TAX1BP1: variants seen among roughly 807,000 people sequenced by gnomAD.
TAX1BP1 encodes the protein Tax1 binding protein 1.
Under a neutral mutation model 97.7 loss-of-function variants are expected in TAX1BP1, and 62 were observed. The observed-to-expected ratio is 0.63, with a 90% CI of 0.52 to 0.78. The LOEUF is 0.78. Ranked by LOEUF, TAX1BP1 falls within the 30% of genes least tolerant of loss-of-function variation. TAX1BP1 has a pLI of 0.00. For synonymous variants in TAX1BP1, 340 were observed against 304.2 expected (o/e 1.12, Z -1.23); for missense variants, 867 against 916.1 (o/e 0.95, Z 0.69).
At chr7:27,765,739 T>G in intron 3 of TAX1BP1, 95 bp from the exon 4 acceptor site, 1 of 1,047,502 alleles carries the variant, frequency 9.5e-7, no homozygotes. Context: ...TCAAGAACAG[T>G]GTGGGGAATG....
chr7:27,742,081 C>T (rs778062162), intron 1 of TAX1BP1, among the ~76,000 whole-genome samples: 4 of 152,210 alleles, frequency 2.6e-5, no homozygotes, highest in Non-Finnish European at 2.9e-5. Flanking sequence ...AACGTACAAT[C>T]GGGTTTTATA....
At chr7:27,761,103 A>G (rs1157134894) in intron 3 of TAX1BP1, among the ~76,000 whole-genome samples, 1 of 152,160 alleles carries the variant, frequency 6.6e-6, no homozygotes, top group Non-Finnish European at 1.5e-5. Flanking sequence ...GATTTTGGTG[A>G]CATGTGCAGA....
At chr7:27,805,348 A>AT (rs1790296833) in intron 13 of TAX1BP1, among the ~76,000 whole-genome samples, 1 of 152,094 alleles carries the variant, frequency 6.6e-6, no homozygotes, top group Admixed American at 6.5e-5. Flanking sequence ...TTATATATAT[A>AT]TTTTTCCCCT....
intron 3 of TAX1BP1, among the ~76,000 whole-genome samples, chr7:27,761,014 A>G (rs564368066): frequency 6.6e-6 from 1 of 152,316 alleles, no homozygotes; most frequent in East Asian, 1.9e-4. Flanking sequence ...TTCAGCAAAT[A>G]ATTGTTAACA....
chr7:27,827,879 T>C, intron 16 of TAX1BP1, 59 bp downstream of exon 16: 1 of 1,501,254 alleles, frequency 6.7e-7, no homozygotes, highest in Non-Finnish European at 9.2e-7. Context: ...TTCTCAAAGG[T>C]GGTCCTTGGG....
intron 13 of TAX1BP1, 134 bp from the exon 14 acceptor site, chr7:27,816,215 G>A (rs955099834): frequency 5.9e-6 from 4 of 679,566 alleles, no homozygotes; most frequent in Non-Finnish European, 9.2e-6. Flanking sequence ...TTTTCTAACT[G>A]TGTTTCCAAT....
At chr7:27,794,294 AT>A in intron 10 of TAX1BP1, 28 bp from the exon 11 acceptor site, 1 of 1,571,868 alleles carries the variant, frequency 6.4e-7, no homozygotes, top group Non-Finnish European at 8.7e-7. Flanking sequence ...TCATTGACTC[AT>A]TTAACAACTT....
intron 5 of TAX1BP1, among the ~76,000 whole-genome samples, chr7:27,784,712 A>C (rs1328921017): frequency 6.6e-6 from 1 of 152,124 alleles, no homozygotes; most frequent in Admixed American, 6.5e-5. Flanking sequence ...TATATAAATA[A>C]ACGAATCATT....
chr7:27,827,663 A>G, intron 15 of TAX1BP1, 75 bp from the exon 16 acceptor site: 1 of 1,175,248 alleles, frequency 8.5e-7, no homozygotes. Flanking sequence ...TACTGTCAGT[A>G]TGTGCTTGAT....
In TAX1BP1 at chr7:27,741,296, A is replaced by G. The variant is rs916221191; in HGVS notation, c.-8+1027A>G. Among the ~76,000 whole-genome samples, 3 of 141,324 alleles carry G rather than the reference A, an allele frequency of 2.1e-5. No individual in the cohort carries two copies. The Admixed American group carries it at 2.2e-4, about 10-fold the overall frequency. The allele number at this position is 141,324 out of a possible 152,430, so 92.7% of individuals were successfully genotyped here. ...AAAGAGATCATTTGAATAGAAACTA[A>G]AAGTGGGTCGATCGTCCTCAAAGTG... On this transcript the variant is annotated intron_variant, in intron 1 of 16. Transcript: ENST00000396319.
intron 13 of TAX1BP1, among the ~76,000 whole-genome samples, chr7:27,808,690 C>T (rs568843700): frequency 3.9e-5 from 6 of 152,006 alleles, no homozygotes; most frequent in Non-Finnish European, 7.4e-5. Flanking sequence ...TTTTGGGTAC[C>T]GAAGAAAAAA....
At chr7:27,819,814 C>T (rs1009638823) in intron 15 of TAX1BP1, among the ~76,000 whole-genome samples, 1 of 152,178 alleles carries the variant, frequency 6.6e-6, no homozygotes, top group African/African-American at 2.4e-5. Flanking sequence ...ATGAATATTT[C>T]TGTGTACTTC....
intron 1 of TAX1BP1, 92 bp from the exon 2 acceptor site, chr7:27,748,426 C>A: frequency 1.1e-6 from 1 of 876,728 alleles, no homozygotes; most frequent in Non-Finnish European, 1.6e-6. Flanking sequence ...TGCAAATATT[C>A]ATGAAACTTA....
Position 27,828,864 on chromosome 7 carries a change from T to TG in TAX1BP1, c.*35_*36insG. ...ATTATGAGTTAATATAGTTTAGCAG[T>TG]AAAAAAAAAAAAAAAAACCACACCT... On this transcript the variant is annotated 3_prime_UTR_variant, in exon 17 of 17. Transcript: ENST00000396319. 1.0e-6 allele frequency: 1 copy of TG among 988,540 alleles called. No homozygotes were observed. Among genetic ancestry groups the TG allele is most frequent in the African/African-American group, 1.8e-5 (1 of 54,580 alleles). 61.2% of individuals were successfully genotyped at this position (988,540 alleles called of 1,614,324 possible).
At chr7:27,748,265 T>A (rs1005834907) in intron 1 of TAX1BP1, among the ~76,000 whole-genome samples, 1 of 152,212 alleles carries the variant, frequency 6.6e-6, no homozygotes, top group Non-Finnish European at 1.5e-5. Context: ...GAGTTAATTT[T>A]TGGTTTTGGT....
At chr7:27,802,124 G>C (rs1012007163) in intron 13 of TAX1BP1, among the ~76,000 whole-genome samples, 2 of 152,198 alleles carry the variant, frequency 1.3e-5, no homozygotes, top group African/African-American at 4.8e-5. Context: ...TATCTATAAT[G>C]GAGTAGCTTA....
At position 27,828,761 on chromosome 7, in the gene TAX1BP1, T is replaced by C. The variant is rs144255675; in HGVS notation, c.2302T>C (p.Tyr768His). Residue 768 changes from tyrosine (Y) to histidine (H), a missense_variant, in exon 17 of 17, where the codon TAT becomes CAT. Physicochemically the swap from Tyr to His is moderately conservative, Grantham distance 83. Around this residue, in one of 3 missense-constraint regions of TAX1BP1, gnomAD observed 34 missense variants for 33.2 expected, o/e 1.02. Coordinates refer to ENST00000396319, the MANE Select transcript of TAX1BP1 (RefSeq NM_006024.7). ...GTGCAGCGAGCAGTTCCCTCCTGAC[T>C]ATGACCAGCAGGTGTTTGAAAGGCA... ...PMCSEQFPPD[Y>H]DQQVFERHVQ... 4 of 1,613,792 alleles carry C rather than the reference T, an allele frequency of 2.5e-6. No individual in the cohort carries two copies. In the African/African-American group the frequency reaches 5.3e-5, roughly 22 times the overall value.
At chr7:27,821,228 A>C (rs1443593702) in intron 15 of TAX1BP1, among the ~76,000 whole-genome samples, 1 of 152,212 alleles carries the variant, frequency 6.6e-6, no homozygotes, top group Non-Finnish European at 1.5e-5. Flanking sequence ...ATATTAGTAT[A>C]ATACCTTTCA....
chr7:27,811,984 A>T (rs1311703337), intron 13 of TAX1BP1, among the ~76,000 whole-genome samples: 1 of 152,176 alleles, frequency 6.6e-6, no homozygotes, highest in Non-Finnish European at 1.5e-5. Context: ...TTTTGTGGAC[A>T]TATGTTTTCA....
Sources: gnomAD v4.1 joint callset for allele counts (sites outside exome capture counted in the v4.1 genomes callset) on GRCh38, gnomAD v4.1.1 for gene constraint, gnomAD v4.1.1 regional missense constraint, MANE v1.5 for transcripts, NCBI Gene and HGNC (gene_info 2026-07-23, HGNC 2026-07-21) for gene names.